The following PATJ variants were observed in gnomAD, a reference collection of about 807,000 sequenced individuals.
PATJ encodes inaD-like protein.
A neutral mutation model predicts 224.9 loss-of-function variants in PATJ; 190 were observed. The ratio of observed to expected loss-of-function variants is 0.84; its 90% CI spans 0.75 to 0.95. The LOEUF is 0.95. PATJ is among the 40% of genes least tolerant of loss of function. PATJ has a pLI of 0.00. For synonymous variants in PATJ, 769 were observed against 820.3 expected (o/e 0.94, Z 1.07); for missense variants, 2,121 against 2,270.3 (o/e 0.93, Z 1.34).
chr1:61,924,232 GT>G (rs1674778585), intron 26 of PATJ, among the ~76,000 whole-genome samples: 1 of 152,016 alleles, frequency 6.6e-6, no homozygotes, highest in Non-Finnish European at 1.5e-5. Flanking sequence ...GCCAGGTGTG[GT>G]GGTACGAGCT....
rs536680091 is a variant in PATJ, at chr1:61,869,140, T to G, written c.2835+4507T>G. The stretch of plus-strand genomic sequence containing the variant: ...TTTCTTTTTTGAGACGGAGTCTCGC[T>G]CTGTCGCCCAGGCTGGAGTGCAGTG... On this transcript the variant is annotated intron_variant, in intron 20 of 43. Transcript: ENST00000642238. Among the ~76,000 whole-genome samples the G allele has an allele frequency of 4.8e-3, 678 of 140,952 alleles. 10 individuals carry two copies. Among genetic ancestry groups the G allele is most frequent in the African/African-American group, 0.018 (645 of 36,382 alleles). The allele number at this position is 140,952 out of a possible 152,430, so 92.5% of individuals were successfully genotyped here.
intron 17 of PATJ, 118 bp downstream of exon 17, chr1:61,833,903 G>A: frequency 1.2e-6 from 1 of 816,302 alleles, no homozygotes; most frequent in East Asian, 2.7e-5. Context: ...CCCAAAGATG[G>A]GATATTATAC....
At position 62,110,652 on chromosome 1, in the gene PATJ, G is replaced by A. The variant is rs146465992; in HGVS notation, c.4461+2132G>A. Among the ~76,000 whole-genome samples, 186 of 152,144 alleles carry A rather than the reference G, an allele frequency of 1.2e-3. No individual in the cohort carries two copies. The East Asian group carries it at 0.016, about 13-fold the overall frequency. Reference sequence around the variant, plus strand: ...GCCAGTTCCTTCTCATACCCTCCCCGCAGTCTGCAAGTGGGAGCAGAAGAG... The same window carrying A: ...GCCAGTTCCTTCTCATACCCTCCCCACAGTCTGCAAGTGGGAGCAGAAGAG... On this transcript the variant is annotated intron_variant, in intron 34 of 43. Transcript: ENST00000642238.
chr1:62,110,845 G>A (rs1263459914), intron 34 of PATJ, among the ~76,000 whole-genome samples: 2 of 152,166 alleles, frequency 1.3e-5, no homozygotes, highest in Non-Finnish European at 2.9e-5. Context: ...TCTTCCTGGA[G>A]CCTTTCTTCT....
At chr1:61,973,191 T>C (rs1444357640) in intron 27 of PATJ, among the ~76,000 whole-genome samples, 2 of 152,054 alleles carry the variant, frequency 1.3e-5, no homozygotes, top group African/African-American at 4.8e-5. Flanking sequence ...AAACTCTGCC[T>C]ACACGAGACA....
At chr1:61,786,395 T>G (rs1266241275) in intron 7 of PATJ, among the ~76,000 whole-genome samples, 1 of 152,142 alleles carries the variant, frequency 6.6e-6, no homozygotes, top group Non-Finnish European at 1.5e-5. Context: ...TTTGTTTGTT[T>G]GACCTCTCCC....
intron 28 of PATJ, among the ~76,000 whole-genome samples, chr1:62,000,338 G>C (rs201141785): frequency 0.25 from 28,735 of 115,344 alleles, 3,706 homozygotes; most frequent in East Asian, 0.41. Flanking sequence ...CTAATGCTAT[G>C]CCTCCCCCCT....
chr1:62,087,960 C>T (rs994020988), intron 33 of PATJ, among the ~76,000 whole-genome samples: 2 of 150,542 alleles, frequency 1.3e-5, no homozygotes, highest in Admixed American at 6.6e-5. Flanking sequence ...GGTGCAATCT[C>T]GGCTCACCGC....
rs768017933 is a variant in PATJ, at chr1:61,884,187, A to T, written c.2960-50A>T. The stretch of plus-strand genomic sequence containing the variant: ...CCATACCTAGTTGTTGAATGACTAA[A>T]GGAGAATGAGTGCCTCTTGTGTTCA... On this transcript the variant is annotated intron_variant, in intron 21 of 43. Coordinates refer to ENST00000642238, the MANE Select transcript of PATJ (RefSeq NM_001350145.3). The T allele has an allele frequency of 3.4e-6, 5 of 1,460,830 alleles. No individual in the cohort carries two copies. The East Asian group carries it at 1.2e-4, about 34-fold the overall frequency. 90.5% of individuals were successfully genotyped at this position (1,460,830 alleles called of 1,614,324 possible).
chr1:62,124,734 G>C (rs1024224455), intron 39 of PATJ, among the ~76,000 whole-genome samples: 1 of 152,054 alleles, frequency 6.6e-6, no homozygotes, highest in African/African-American at 2.4e-5. Flanking sequence ...GCCACACGTG[G>C]CCTTTTTTGT....
intron 35 of PATJ, 72 bp from the exon 36 acceptor site, chr1:62,116,460 G>A: frequency 2.0e-6 from 3 of 1,505,678 alleles, no homozygotes; most frequent in Non-Finnish European, 2.7e-6. Context: ...TGTGCATCCT[G>A]TCACACACAC....
At chr1:61,952,210 G>T in intron 27 of PATJ, 1 of 510,952 alleles carries the variant, frequency 2.0e-6, no homozygotes. Flanking sequence ...TGCTTTTCCT[G>T]ATATAAATAG....
intron 25 of PATJ, 36 bp downstream of exon 25, chr1:61,908,518 A>G: frequency 7.4e-7 from 1 of 1,347,442 alleles, no homozygotes; most frequent in Non-Finnish European, 1.1e-6. Flanking sequence ...AAGTTTAACA[A>G]CACTCTGTAT....
chr1:61,977,970 G>T (rs936268963), intron 27 of PATJ, among the ~76,000 whole-genome samples: 2 of 151,440 alleles, frequency 1.3e-5, no homozygotes, highest in Admixed American at 1.3e-4. Flanking sequence ...ACTATAGTTT[G>T]CTGTATTTTC....
intron 14 of PATJ, among the ~76,000 whole-genome samples, chr1:61,817,338 C>G (rs968710856): frequency 3.0e-4 from 45 of 152,140 alleles, no homozygotes; most frequent in African/African-American, 1.1e-3. Flanking sequence ...AACAGAGTAC[C>G]TGTTACACAT....
chr1:62,143,643 T>C (rs1227482812), intron 41 of PATJ, among the ~76,000 whole-genome samples: 4 of 151,934 alleles, frequency 2.6e-5, no homozygotes, highest in Non-Finnish European at 4.4e-5. Context: ...AGAGACCAGA[T>C]TTCACCATGT....
At chr1:61,805,896 A>G (rs1026124930) in intron 13 of PATJ, among the ~76,000 whole-genome samples, 2 of 152,222 alleles carry the variant, frequency 1.3e-5, no homozygotes, top group African/African-American at 4.8e-5. Flanking sequence ...TGTTTGTTTT[A>G]TTGTACACTG....
At chr1:61,950,006 CCTGA>C (rs1199808778) in intron 27 of PATJ, among the ~76,000 whole-genome samples, 3 of 152,164 alleles carry the variant, frequency 2.0e-5, no homozygotes, top group Admixed American at 6.5e-5. Flanking sequence ...TCGAAACCAG[CCTGA>C]CTGACCAACA....
At chr1:62,004,812 G>A (rs1458639679) in intron 28 of PATJ, among the ~76,000 whole-genome samples, 1 of 152,150 alleles carries the variant, frequency 6.6e-6, no homozygotes, top group Non-Finnish European at 1.5e-5. Context: ...AATCCCACCA[G>A]CGATATGATC....
Sources: allele counts gnomAD v4.1 joint callset (sites outside exome capture counted in the v4.1 genomes callset), GRCh38; gene constraint gnomAD v4.1.1; transcripts MANE v1.5; gene names NCBI Gene and HGNC (gene_info 2026-07-23, HGNC 2026-07-21).